Variants in DDX52 observed in about 807,000 individuals in gnomAD.
DDX52 encodes probable ATP-dependent RNA helicase DDX52.
In DDX52, 59 loss-of-function variants were observed where a neutral mutation model predicts 76.1. The ratio of observed to expected loss-of-function variants is 0.78; its 90% CI spans 0.63 to 0.96. The LOEUF is 0.96. Among genes scored for constraint, DDX52 ranks in the 40% least tolerant of loss-of-function variants. DDX52 has a pLI of 0.00. For synonymous variants in DDX52, 231 were observed against 244.1 expected, an observed-to-expected ratio of 0.95 and a Z score of 0.50; for missense variants, 707 against 703.9, an observed-to-expected ratio of 1.00 and a Z score of -0.05.
chr17:37,630,628 A>C (rs909373970), intron 4 of DDX52, among the ~76,000 whole-genome samples: 3 of 151,610 alleles, frequency 2.0e-5, no homozygotes, highest in Admixed American at 6.6e-5. Flanking sequence ...CAATTTTCAA[A>C]AACTCACTGT....
chr17:37,643,218 G>A (rs1478425939), intron 1 of DDX52, 116 bp downstream of exon 1: 1 of 1,060,622 alleles, frequency 9.4e-7, no homozygotes, highest in Non-Finnish European at 1.4e-6. Context: ...TACCCCAAGG[G>A]TGGCGAGAGC....
intron 12 of DDX52, 164 bp from the exon 13 acceptor site, chr17:37,620,003 C>T (rs1598752808): frequency 1.7e-6 from 1 of 605,184 alleles, no homozygotes; most frequent in Non-Finnish European, 2.9e-6. Context: ...CATTGGATTA[C>T]AGAGAGAACT....
At chr17:37,634,885 C>T (rs2030858388) in intron 2 of DDX52, among the ~76,000 whole-genome samples, 1 of 150,384 alleles carries the variant, frequency 6.6e-6, no homozygotes, top group Non-Finnish European at 1.5e-5. Flanking sequence ...ATGATCTTGG[C>T]TCACTGCAAC....
At chr17:37,633,930 A>G (rs1417488812) in intron 2 of DDX52, among the ~76,000 whole-genome samples, 1 of 150,088 alleles carries the variant, frequency 6.7e-6, no homozygotes, top group African/African-American at 2.5e-5. Flanking sequence ...AACAATGATA[A>G]ATTTCTTTCC....
At position 37,614,239 on chromosome 17, in the gene DDX52, C is replaced by T; in HGVS notation, c.*57G>A. 1 of 1,541,388 alleles carries T rather than the reference C, an allele frequency of 6.5e-7. No individual in the cohort carries two copies. The highest frequency in any genetic ancestry group is 8.9e-7 in the Non-Finnish European group (1 of 1,129,518). ...GACTTCAAGTATTCCATGAAAATAA[C>T]ATTCATGCTGGGATCATAAAATTAC... On this transcript the variant is annotated 3_prime_UTR_variant, in exon 15 of 15. Transcript: ENST00000617633.
intron 8 of DDX52, among the ~76,000 whole-genome samples, chr17:37,625,011 T>C (rs2030293381): frequency 6.6e-6 from 1 of 151,280 alleles, no homozygotes; most frequent in South Asian, 2.1e-4. Context: ...CTTTCCTGTT[T>C]TTTTTGTTTT....
rs540608326 is a variant in DDX52 at position 37,635,610 on chromosome 17, GA to G, written c.287-2193del. ...ATGTACAGTTCATCATTCACCTGAT[GA>G]GGGACATTTGGGTCATTTCCAGCTT... On this transcript the variant is annotated intron_variant, in intron 2 of 14. Transcript: ENST00000617633. The G allele has an allele frequency of 1.1e-3, 496 of 455,892 alleles. 2 individuals are homozygous for G. The highest frequency in any genetic ancestry group is 9.1e-3 in the African/African-American group (459 of 50,168). 28.2% of individuals were successfully genotyped at this position (455,892 alleles called of 1,614,324 possible).
chr17:37,635,704 C>A, intron 2 of DDX52: 1 of 445,498 alleles, frequency 2.2e-6, no homozygotes, highest in Non-Finnish European at 4.5e-6. Context: ...ATTTTCCTGT[C>A]TCTTAGGTAA....
intron 2 of DDX52, among the ~76,000 whole-genome samples, chr17:37,634,996 TCAC>T (rs1386075902): frequency 6.6e-6 from 1 of 151,888 alleles, no homozygotes; most frequent in Non-Finnish European, 1.5e-5. Flanking sequence ...AGACGGGGTT[TCAC>T]CACGTTGGCC....
Position 37,610,772 on chromosome 17 carries a change from G to A in DDX52, c.*3524C>T, listed in dbSNP as rs2147316690. 6.6e-6 allele frequency: 1 copy of A among 152,302 alleles called. No homozygotes were observed. The highest frequency in any genetic ancestry group is 1.5e-5 in the Non-Finnish European group (1 of 68,010). The allele number at this position is 152,302 out of a possible 1,614,324, so 9.4% of individuals were successfully genotyped here. A position where few individuals can be genotyped will look rare whatever the true frequency, so the allele number is the denominator to read the frequency against. On this transcript the variant is annotated 3_prime_UTR_variant, in exon 15 of 15. Transcript: ENST00000617633. ...TCAGGATTCAAATCCAGGCCAGTTTGACTCTAAAGTCCTTGCTCATTTCAC... is the reference window on the plus strand; with the variant it reads ...TCAGGATTCAAATCCAGGCCAGTTTAACTCTAAAGTCCTTGCTCATTTCAC...
At chr17:37,638,967 T>TCA (rs2031060197) in intron 2 of DDX52, among the ~76,000 whole-genome samples, 1 of 152,040 alleles carries the variant, frequency 6.6e-6, no homozygotes, top group South Asian at 2.1e-4. Context: ...AGACGGAGTT[T>TCA]CACCATGTTG....
rs199573535 is a variant in DDX52 at position 37,619,826 on chromosome 17, T to A, written c.1591A>T (p.Ile531Leu). The A allele has an allele frequency of 9.3e-4, 1,506 of 1,613,476 alleles. 3 individuals carry two copies. Among genetic ancestry groups the A allele is most frequent in the Middle Eastern group, 1.7e-3 (10 of 6,058 alleles). Reference sequence around the variant, plus strand: ...GGTACAGGACACCCAGCCTGCTGTATAACATTAGCAACGCTGAAAAAGAAA... The same window carrying A: ...GGTACAGGACACCCAGCCTGCTGTAAAACATTAGCAACGCTGAAAAAGAAA... ...KPLLRSVANV[I>L]QQAGCPVPEY... The change falls in exon 13 of 15, where the codon ATA (isoleucine) becomes TTA (leucine). Residue 531 changes from isoleucine (I) to leucine (L), a missense_variant. Transcript: ENST00000617633.
At position 37,642,429 on chromosome 17, in the gene DDX52, C is replaced by G. The variant is rs1301738023; in HGVS notation, c.88-121G>C. On this transcript the variant is annotated intron_variant, in intron 1 of 14. Coordinates refer to ENST00000617633, the MANE Select transcript of DDX52 (RefSeq NM_007010.5). ...TTTCACCAAGTATCTGTCGAGCTAA[C>G]AGGTGTCTGGACAAATGGAATCTGA... 14 of 1,152,820 alleles carry G rather than the reference C, an allele frequency of 1.2e-5. 1 individual carries two copies. In the African/African-American group the frequency reaches 2.0e-4, roughly 17 times the overall value. 71.4% of individuals were successfully genotyped at this position (1,152,820 alleles called of 1,614,324 possible). A position where few individuals can be genotyped will look rare whatever the true frequency, so the allele number is the denominator to read the frequency against.
Position 37,632,149 on chromosome 17 carries a change from C to T in DDX52, c.567G>A (p.Thr189=), listed in dbSNP as rs770688855. The T allele has an allele frequency of 2.5e-4, 402 of 1,612,580 alleles. No homozygotes were observed. Among genetic ancestry groups the T allele is most frequent in the Non-Finnish European group, 3.0e-4 (358 of 1,179,756 alleles). ...NILDAGFQMP[T]PIQMQAIPVM... The stretch of plus-strand genomic sequence containing the variant: ...CTGGGATGGCTTGCATTTGGATTGG[C>T]GTAGGCATTTGGAAACCTGCATCTA... Residue 189 remains threonine, a synonymous_variant, in exon 4 of 15, where the codon ACG becomes ACA. Transcript: ENST00000617633.
At chr17:37,634,800 T>G (rs2030855226) in intron 2 of DDX52, among the ~76,000 whole-genome samples, 1 of 151,942 alleles carries the variant, frequency 6.6e-6, no homozygotes, top group Non-Finnish European at 1.5e-5. Context: ...AGAATAAATA[T>G]GTAAGACTAA....
intron 2 of DDX52, among the ~76,000 whole-genome samples, chr17:37,638,156 G>A (rs2031017561): frequency 6.6e-6 from 1 of 152,200 alleles, no homozygotes; most frequent in Non-Finnish European, 1.5e-5. Context: ...CAAGAGCAAA[G>A]GCAACAGCAA....
chr17:37,639,803 T>C (rs1457933296), intron 2 of DDX52, among the ~76,000 whole-genome samples: 1 of 152,112 alleles, frequency 6.6e-6, no homozygotes, highest in Non-Finnish European at 1.5e-5. Flanking sequence ...CCTAAATACA[T>C]TTGTTGCCAC....
At chr17:37,630,635 C>T (rs1042170841) in intron 4 of DDX52, among the ~76,000 whole-genome samples, 1 of 148,168 alleles carries the variant, frequency 6.7e-6, no homozygotes, top group Non-Finnish European at 1.5e-5. Flanking sequence ...CAAAAACTCA[C>T]TGTGTTTTTT....
chr17:37,642,049 T>C, intron 2 of DDX52, 61 bp downstream of exon 2: 1 of 1,597,226 alleles, frequency 6.3e-7, no homozygotes, highest in South Asian at 1.1e-5. Flanking sequence ...CATAAGCCTG[T>C]ATTATTTTTA....
Sources: allele counts gnomAD v4.1 joint callset (sites outside exome capture counted in the v4.1 genomes callset), GRCh38; gene constraint gnomAD v4.1.1; transcripts MANE v1.5; gene names NCBI Gene and HGNC (gene_info 2026-07-23, HGNC 2026-07-21).